The following IQCH variants were observed in gnomAD, a reference collection of about 807,000 sequenced individuals.
IQCH encodes IQ motif containing H.
IQCH carries 98 observed loss-of-function variants against 117.0 expected under a neutral mutation model. The ratio of observed to expected loss-of-function variants is 0.84; its 90% CI spans 0.71 to 0.99. IQCH has a LOEUF of 0.99. IQCH is among the 50% of genes least tolerant of loss of function. The pLI is 0.00. For synonymous variants in IQCH, 412 were observed against 448.2 expected, an observed-to-expected ratio of 0.92 and a Z score of 1.02; for missense variants, 1,102 against 1,243.8, an observed-to-expected ratio of 0.89 and a Z score of 1.72.
chr15:67,309,182 G>A (rs547292064), intron 4 of IQCH, among the ~76,000 whole-genome samples: 14 of 152,106 alleles, frequency 9.2e-5, no homozygotes, highest in Admixed American at 6.6e-4. Flanking sequence ...CTTAACAAAG[G>A]TCCTGGTACA....
At chr15:67,442,610 A>G (rs2082298863) in intron 16 of IQCH, among the ~76,000 whole-genome samples, 1 of 152,096 alleles carries the variant, frequency 6.6e-6, no homozygotes, top group South Asian at 2.1e-4. Context: ...CCACTATGGA[A>G]GACAGTGTGG....
intron 18 of IQCH, among the ~76,000 whole-genome samples, chr15:67,483,204 A>G (rs2083384721): frequency 6.6e-6 from 1 of 152,168 alleles, no homozygotes; most frequent in African/African-American, 2.4e-5. Context: ...GAAGGCATTG[A>G]AGGGCAACTA....
intron 15 of IQCH, among the ~76,000 whole-genome samples, chr15:67,418,770 G>T (rs548058161): frequency 5.9e-5 from 9 of 151,738 alleles, no homozygotes; most frequent in African/African-American, 2.2e-4. Context: ...TAGAGACAGG[G>T]TTTCACCATG....
chr15:67,464,154 C>A (rs2082872834), intron 16 of IQCH, among the ~76,000 whole-genome samples: 1 of 152,156 alleles, frequency 6.6e-6, no homozygotes, highest in Admixed American at 6.5e-5. Context: ...GATGGCAGGG[C>A]CTATGCCTAT....
At chr15:67,451,441 T>G (rs1403813820) in intron 16 of IQCH, among the ~76,000 whole-genome samples, 1 of 152,164 alleles carries the variant, frequency 6.6e-6, no homozygotes, top group Non-Finnish European at 1.5e-5. Flanking sequence ...TCTCGTTGGT[T>G]TCAAAGAACA....
chr15:67,314,962 G>C (rs1047449200), intron 4 of IQCH, among the ~76,000 whole-genome samples: 5 of 152,168 alleles, frequency 3.3e-5, no homozygotes, highest in African/African-American at 1.2e-4. Flanking sequence ...TAATATTGAT[G>C]TCTTATAGGC....
intron 4 of IQCH, among the ~76,000 whole-genome samples, chr15:67,290,329 G>T (rs1420944748): frequency 6.6e-6 from 1 of 151,996 alleles, no homozygotes; most frequent in Non-Finnish European, 1.5e-5. Flanking sequence ...TTCTGCATCT[G>T]TAATAACTTT....
At position 67,453,736 on chromosome 15, in the gene IQCH, C is replaced by G. The variant is rs559686062; in HGVS notation, c.2506-11391C>G. On this transcript the variant is annotated intron_variant, in intron 16 of 20. Transcript: ENST00000335894. This position sits in a 1 kb window ranked among gnomAD's most constrained non-coding sequence, Gnocchi z 5.8. ...CTCAAGCTGCATGCTGGGAGAACCA[C>G]TACTCTTCAAAGCTGTCAGAGAGGG... 6.6e-6 allele frequency among the ~76,000 whole-genome samples: 1 copy of G among 152,318 alleles called. No individual in the cohort carries two copies. Among genetic ancestry groups the G allele is most frequent in the Admixed American group, 6.5e-5 (1 of 15,306 alleles).
intron 3 of IQCH, among the ~76,000 whole-genome samples, chr15:67,265,546 A>T (rs1211765271): frequency 6.6e-6 from 1 of 152,172 alleles, no homozygotes; most frequent in Non-Finnish European, 1.5e-5. Context: ...ATGAAATGAG[A>T]TGGGACAAGG....
At chr15:67,440,878 GAGAA>G (rs1430186865) in intron 16 of IQCH, among the ~76,000 whole-genome samples, 1 of 152,014 alleles carries the variant, frequency 6.6e-6, no homozygotes, top group East Asian at 1.9e-4. Flanking sequence ...AATCAGACAA[GAGAA>G]AGAAATAAAG....
At chr15:67,450,855 G>A (rs2082506142) in intron 16 of IQCH, among the ~76,000 whole-genome samples, 1 of 152,168 alleles carries the variant, frequency 6.6e-6, no homozygotes, top group South Asian at 2.1e-4. Context: ...TCTGGTCCTG[G>A]ACTTTTTTTG....
intron 4 of IQCH, among the ~76,000 whole-genome samples, chr15:67,314,938 G>C (rs947670247): frequency 2.3e-4 from 35 of 152,210 alleles, no homozygotes; most frequent in African/African-American, 8.2e-4. Context: ...GAAGAGGTAT[G>C]GTTTTAGGTA....
Position 67,370,848 on chromosome 15 carries a change from G to A in IQCH, c.754-1263G>A, listed in dbSNP as rs1297214617. Among the ~76,000 whole-genome samples, 1 of 152,138 alleles carries A rather than the reference G, an allele frequency of 6.6e-6. No individual in the cohort carries two copies. Among genetic ancestry groups the A allele is most frequent in the African/African-American group, 2.4e-5 (1 of 41,414 alleles). ...GTTTTTCAGCATTTTTACTTGAGAT[G>A]GCAGTCTAATTAATTATTGTGCGGC... On this transcript the variant is annotated intron_variant, in intron 8 of 20. Coordinates refer to ENST00000335894, the MANE Select transcript of IQCH (RefSeq NM_001031715.3). The surrounding 1 kb of genome is among the most constrained non-coding windows in gnomAD (Gnocchi z 5.6).
chr15:67,363,339 G>T lies in IQCH; in HGVS notation c.753+3454G>T, dbSNP rs778807186. Reference sequence around the variant, plus strand: ...CCACCTCTGCCTCCCTAGTTCAAGCGATTCTCCTGCCTCAGCCTCCCAAGT... The same window carrying T: ...CCACCTCTGCCTCCCTAGTTCAAGCTATTCTCCTGCCTCAGCCTCCCAAGT... On this transcript the variant is annotated intron_variant, in intron 8 of 20. Coordinates refer to ENST00000335894, the MANE Select transcript of IQCH (RefSeq NM_001031715.3). Among the ~76,000 whole-genome samples the T allele has an allele frequency of 3.3e-5, 5 of 150,446 alleles. No homozygotes were observed. In the South Asian group the frequency reaches 1.0e-3, roughly 31 times the overall value.
At chr15:67,303,355 A>C (rs1366007612) in intron 4 of IQCH, among the ~76,000 whole-genome samples, 1 of 152,152 alleles carries the variant, frequency 6.6e-6, no homozygotes, top group Admixed American at 6.5e-5. Context: ...TTCTGGAATT[A>C]GATAGTGGTG....
chr15:67,474,063 T>A lies in IQCH; in HGVS notation c.2677-1633T>A, dbSNP rs542074026. On this transcript the variant is annotated intron_variant, in intron 17 of 20. Transcript: ENST00000335894. The surrounding 1 kb of genome is among the most constrained non-coding windows in gnomAD (Gnocchi z 4.1). ...GCATGTCACCAAAAGTGCCACGAAA[T>A]CTGAGTGTGTGTGTGTGTGTGTGTG... Among the ~76,000 whole-genome samples the A allele has an allele frequency of 7.3e-6, 1 of 136,516 alleles. No homozygotes were observed. Among genetic ancestry groups the A allele is most frequent in the South Asian group, 2.6e-4 (1 of 3,872 alleles). 89.6% of individuals were successfully genotyped at this position (136,516 alleles called of 152,430 possible).
At chr15:67,258,255 C>T (rs1391828818) in intron 1 of IQCH, among the ~76,000 whole-genome samples, 6 of 150,142 alleles carry the variant, frequency 4.0e-5, no homozygotes, top group East Asian at 2.0e-4. Context: ...AAAGGCCAAG[C>T]GCGGTGGCTC....
At chr15:67,316,703 AC>A (rs1735266567) in intron 4 of IQCH, among the ~76,000 whole-genome samples, 1 of 152,178 alleles carries the variant, frequency 6.6e-6, no homozygotes, top group Non-Finnish European at 1.5e-5. Context: ...CTTTCATTTT[AC>A]ATTTGGGGAA....
At chr15:67,256,446 T>C (rs562503855) in intron 1 of IQCH, among the ~76,000 whole-genome samples, 6 of 152,090 alleles carry the variant, frequency 3.9e-5, no homozygotes, top group Non-Finnish European at 8.8e-5. Context: ...GCTCCAGAGG[T>C]CTGAGCTGAT....
Sources: gnomAD v4.1 joint callset for allele counts (sites outside exome capture counted in the v4.1 genomes callset) on GRCh38, gnomAD v4.1.1 for gene constraint, Gnocchi (gnomAD v3.1) non-coding constraint, MANE v1.5 for transcripts, NCBI Gene and HGNC (gene_info 2026-07-23, HGNC 2026-07-21) for gene names.